Variants in LIPK observed in about 807,000 individuals in gnomAD.
LIPK encodes lipase family member K, also known as lipase member K.
In LIPK, 32 loss-of-function variants were observed where a neutral mutation model predicts 48.6. The observed-to-expected ratio is 0.66, with a 90% confidence interval of 0.50 to 0.88. LIPK has a LOEUF of 0.88. LIPK is among the 40% of genes least tolerant of loss of function. The pLI, the probability that LIPK is intolerant of heterozygous loss-of-function variation, is 0.00. For synonymous variants in LIPK, 164 were observed against 157.4 expected (o/e 1.04, Z -0.32); for missense variants, 507 against 478.5 (o/e 1.06, Z -0.56).
chr10:88,742,764 T>TTA (rs1554826081), intron 8 of LIPK, among the ~76,000 whole-genome samples: 2 of 149,260 alleles, frequency 1.3e-5, no homozygotes, highest in African/African-American at 2.5e-5. Context: ...CTTTTAATAG[T>TTA]AAAAAAAAAA....
chr10:88,733,343 A>G (rs1373464892), intron 6 of LIPK, among the ~76,000 whole-genome samples: 1 of 152,222 alleles, frequency 6.6e-6, no homozygotes, highest in Non-Finnish European at 1.5e-5. Context: ...GTATTTTAAC[A>G]TGGGCTTCTC....
At chr10:88,709,996 T>C (rs535611627) in intron 1 of LIPK, among the ~76,000 whole-genome samples, 2 of 152,100 alleles carry the variant, frequency 1.3e-5, no homozygotes, top group Non-Finnish European at 2.9e-5. Flanking sequence ...AGTTATTGTA[T>C]ACTCTATAGA....
chr10:88,732,430 C>T lies in LIPK; in HGVS notation c.548C>T (p.Ser183Phe). The T allele has an allele frequency of 6.2e-7, 1 of 1,609,586 alleles. No homozygotes were observed. The highest frequency in any genetic ancestry group is 8.5e-7 in the Non-Finnish European group (1 of 1,178,928). The change falls in exon 6 of 10, where the codon TCT becomes TTT. Residue 183 changes from serine (S) to phenylalanine (F), a missense_variant. Transcript: ENST00000404190. ...TCCATTTCAGCTTTTATAGCATTTT[C>T]TACAAACCCAGAACTGGCTAAAAAG... ...QGTTIAFIAF[S>F]TNPELAKKIK...
intron 9 of LIPK, 92 bp downstream of exon 9, chr10:88,743,413 C>T: frequency 1.1e-6 from 1 of 872,486 alleles, no homozygotes; most frequent in South Asian, 1.5e-5. Flanking sequence ...TTCCATTTAA[C>T]CACACTGGAT....
intron 2 of LIPK, 126 bp from the exon 3 acceptor site, chr10:88,726,669 A>T: frequency 1.6e-6 from 1 of 629,290 alleles, no homozygotes; most frequent in Non-Finnish European, 2.8e-6. Flanking sequence ...ACTCCAGCCC[A>T]GGGAACACAG....
intron 7 of LIPK, among the ~76,000 whole-genome samples, chr10:88,738,597 G>A (rs182599988): frequency 6.6e-6 from 1 of 152,310 alleles, no homozygotes; most frequent in Admixed American, 6.5e-5. Flanking sequence ...CTATCACTTA[G>A]ATGCAAGGAT....
chr10:88,745,434 T>G (rs1056785298), intron 9 of LIPK, among the ~76,000 whole-genome samples: 1 of 152,118 alleles, frequency 6.6e-6, no homozygotes, highest in Non-Finnish European at 1.5e-5. Context: ...TGTGGACCTT[T>G]CAGCAGAAAC....
chr10:88,729,263 G>GA, intron 3 of LIPK, among the ~76,000 whole-genome samples: 1 of 129,212 alleles, frequency 7.7e-6, no homozygotes, highest in African/African-American at 2.6e-5. Context: ...GGGGGGGGGG[G>GA]GCGGGGGAAG....
At chr10:88,741,622 G>C (rs781160875) in intron 8 of LIPK, among the ~76,000 whole-genome samples, 8 of 152,150 alleles carry the variant, frequency 5.3e-5, no homozygotes, top group Non-Finnish European at 8.8e-5. Context: ...TGGGGATGGT[G>C]GGGGGCATGG....
intron 6 of LIPK, among the ~76,000 whole-genome samples, chr10:88,735,562 A>G (rs1010399584): frequency 2.6e-5 from 4 of 152,282 alleles, no homozygotes; most frequent in African/African-American, 9.6e-5. Flanking sequence ...TGAAGAAGTT[A>G]GTGAACAAGG....
intron 6 of LIPK, among the ~76,000 whole-genome samples, chr10:88,734,928 T>C (rs1477762806): frequency 6.6e-6 from 1 of 152,222 alleles, no homozygotes; most frequent in Non-Finnish European, 1.5e-5. Flanking sequence ...GTGAAAGGCT[T>C]CCTTTTTTAT....
chr10:88,731,110 C>A lies in LIPK; in HGVS notation c.351C>A (p.Asn117Lys), dbSNP rs555551888. The change falls in exon 4 of 10, where the codon AAC (asparagine) becomes AAA (lysine). Residue 117 changes from asparagine to lysine, a missense_variant. Asn to Lys is a moderately conservative substitution (Grantham distance 94, BLOSUM62 0). Transcript: ENST00000404190. ...ADSGYDVWLG[N>K]SRGNTWSRKH... ...GTGGTTATGACGTGTGGTTGGGGAA[C>A]AGCCGAGGAAACACTTGGTCCAGAA... 43 of 1,606,802 alleles carry A rather than the reference C, an allele frequency of 2.7e-5. No individual in the cohort carries two copies. The highest frequency in any genetic ancestry group is 1.0e-4 in the Admixed American group (6 of 58,698).
At chr10:88,710,297 A>G (rs1842006129) in intron 1 of LIPK, among the ~76,000 whole-genome samples, 1 of 152,196 alleles carries the variant, frequency 6.6e-6, no homozygotes, top group African/African-American at 2.4e-5. Context: ...ACTGGGATAT[A>G]AAATGTGGAT....
chr10:88,739,751 C>T (rs1020266260), intron 7 of LIPK, among the ~76,000 whole-genome samples: 4 of 151,728 alleles, frequency 2.6e-5, no homozygotes, highest in East Asian at 1.9e-4. Context: ...CCTAGCTACT[C>T]GGGAGGCTAA....
At chr10:88,743,836 T>A (rs996176491) in intron 9 of LIPK, among the ~76,000 whole-genome samples, 1 of 152,128 alleles carries the variant, frequency 6.6e-6, no homozygotes, top group African/African-American at 2.4e-5. Flanking sequence ...GTGAGTTAAA[T>A]AGGAGTGCAA....
At chr10:88,708,146 T>A (rs1482296446) in intron 1 of LIPK, among the ~76,000 whole-genome samples, 1 of 152,150 alleles carries the variant, frequency 6.6e-6, no homozygotes, top group African/African-American at 2.4e-5. Context: ...GAAATGATTA[T>A]TACAAGATGG....
intron 9 of LIPK, among the ~76,000 whole-genome samples, chr10:88,744,540 A>C (rs2134782116): frequency 6.6e-6 from 1 of 152,326 alleles, no homozygotes; most frequent in Middle Eastern, 3.4e-3. Flanking sequence ...GGTACCCTGA[A>C]GTCATCCAGA....
At chr10:88,709,461 T>A (rs1325578870) in intron 1 of LIPK, among the ~76,000 whole-genome samples, 1 of 145,052 alleles carries the variant, frequency 6.9e-6, no homozygotes, top group East Asian at 2.1e-4. Context: ...CAGGCCCCAG[T>A]GTGTGATGTT....
rs190251001 is a variant in LIPK, at chr10:88,745,156, C to G, written c.960+1835C>G. On this transcript the variant is annotated intron_variant, in intron 9 of 9. Coordinates refer to ENST00000404190, the MANE Select transcript of LIPK (RefSeq NM_001080518.2). ...GTAAAGACACCAAACCTACAGCTCT[C>G]TGGCATTCCTGAAAGAGAGGAAGAG... Among the ~76,000 whole-genome samples the G allele has an allele frequency of 2.5e-4, 37 of 150,170 alleles. 1 individual carries two copies. The highest frequency in any genetic ancestry group is 4.8e-4 in the Non-Finnish European group (32 of 67,242).
Sources: allele counts gnomAD v4.1 joint callset (sites outside exome capture counted in the v4.1 genomes callset), GRCh38; gene constraint gnomAD v4.1.1; transcripts MANE v1.5; gene names NCBI Gene and HGNC (gene_info 2026-07-23, HGNC 2026-07-21).